EYA4: variants seen among roughly 807,000 people sequenced by gnomAD.
The protein encoded by EYA4 is EYA transcriptional coactivator and phosphatase 4.
A neutral mutation model predicts 87.9 loss-of-function variants in EYA4; 31 were observed. The observed-to-expected ratio is 0.35, with a 90% CI of 0.27 to 0.48. The LOEUF (loss-of-function observed/expected upper bound fraction) is 0.48, where lower values mean the gene tolerates loss of function less well. EYA4 is among the 20% of genes least tolerant of loss of function. The pLI is 0.99. For missense variants in EYA4, 678 were observed against 761.4 expected, an observed-to-expected ratio of 0.89 and a Z score of 1.29; for synonymous variants, 263 against 270.6, an observed-to-expected ratio of 0.97 and a Z score of 0.28.
intron 1 of EYA4, among the ~76,000 whole-genome samples, chr6:133,269,739 A>T (rs1014331122): frequency 2.0e-4 from 31 of 152,364 alleles, no homozygotes; most frequent in African/African-American, 7.2e-4. Flanking sequence ...TGAATATTCA[A>T]TAAACTGAAT....
intron 7 of EYA4, among the ~76,000 whole-genome samples, 177 bp downstream of exon 7, chr6:133,461,357 T>C (rs916854567): frequency 1.3e-5 from 2 of 152,158 alleles, no homozygotes; most frequent in African/African-American, 4.8e-5. Context: ...ATGTATACCT[T>C]GAGAAAAATA....
chr6:133,358,504 G>T (rs574416017), intron 2 of EYA4, among the ~76,000 whole-genome samples: 2 of 152,184 alleles, frequency 1.3e-5, no homozygotes, highest in African/African-American at 4.8e-5. Flanking sequence ...GAATGTAGTT[G>T]GGATTTTCAG....
intron 13 of EYA4, among the ~76,000 whole-genome samples, chr6:133,487,125 C>T (rs1039336145): frequency 3.3e-5 from 5 of 152,148 alleles, no homozygotes; most frequent in African/African-American, 1.2e-4. Flanking sequence ...CATTGGAACT[C>T]AGTGACCTTT....
intron 13 of EYA4, among the ~76,000 whole-genome samples, chr6:133,498,986 T>C (rs1797873597): frequency 6.6e-6 from 1 of 152,220 alleles, no homozygotes; most frequent in South Asian, 2.1e-4. Context: ...GGAATTATGT[T>C]AGAAAAGGGG....
At chr6:133,421,326 A>C (rs1024897769) in intron 3 of EYA4, among the ~76,000 whole-genome samples, 1 of 152,242 alleles carries the variant, frequency 6.6e-6, no homozygotes, top group African/African-American at 2.4e-5. Context: ...GAACCTAAGA[A>C]GGAGAGCTGA....
At chr6:133,475,997 T>A (rs1795693551) in intron 11 of EYA4, among the ~76,000 whole-genome samples, 1 of 152,116 alleles carries the variant, frequency 6.6e-6, no homozygotes, top group African/African-American at 2.4e-5. Flanking sequence ...ATAATGCCCA[T>A]GTGACTTTTA....
chr6:133,273,097 G>GTGTGTATATATATATATATATA (rs142020137), intron 1 of EYA4, among the ~76,000 whole-genome samples: 9 of 106,650 alleles, frequency 8.4e-5, no homozygotes, highest in African/African-American at 2.9e-4. Context: ...ATATATATAT[G>GTGTGTATATATATATATATATA]TATATATATA....
chr6:133,343,671 C>T (rs904858202), intron 2 of EYA4, among the ~76,000 whole-genome samples: 4 of 151,168 alleles, frequency 2.6e-5, no homozygotes, highest in Admixed American at 6.6e-5. Flanking sequence ...CTAATAATAA[C>T]AAATAACACA....
chr6:133,479,231 G>C (rs1033538199), intron 11 of EYA4, among the ~76,000 whole-genome samples: 8 of 152,058 alleles, frequency 5.3e-5, no homozygotes, highest in Admixed American at 6.6e-5. Context: ...GACATCTAAA[G>C]ACTAATTTAA....
chr6:133,302,543 C>A (rs1253886760), intron 2 of EYA4, among the ~76,000 whole-genome samples: 1 of 152,148 alleles, frequency 6.6e-6, no homozygotes, highest in East Asian at 1.9e-4. Flanking sequence ...AGCAAACAAT[C>A]CGTTATACTT....
intron 3 of EYA4, among the ~76,000 whole-genome samples, chr6:133,431,702 G>C (rs940600123): frequency 1.3e-5 from 2 of 152,182 alleles, no homozygotes; most frequent in Non-Finnish European, 2.9e-5. Flanking sequence ...ACATTCTGTT[G>C]TAAAGAAAGA....
chr6:133,264,475 G>A (rs1008171843), intron 1 of EYA4, among the ~76,000 whole-genome samples: 1 of 152,264 alleles, frequency 6.6e-6, no homozygotes, highest in African/African-American at 2.4e-5. Context: ...CCATTACGTG[G>A]CTGTTGCTCC....
At chr6:133,391,861 C>T (rs1787324168) in intron 3 of EYA4, among the ~76,000 whole-genome samples, 1 of 152,098 alleles carries the variant, frequency 6.6e-6, no homozygotes, top group African/African-American at 2.4e-5. Context: ...TTATCCAGCA[C>T]CTACCCCTCC....
At chr6:133,406,539 A>G (rs1366723023) in intron 3 of EYA4, among the ~76,000 whole-genome samples, 1 of 152,222 alleles carries the variant, frequency 6.6e-6, no homozygotes, top group East Asian at 1.9e-4. Context: ...GAATGAGTAT[A>G]TATTTTGTGA....
At chr6:133,424,677 C>A (rs1178204517) in intron 3 of EYA4, among the ~76,000 whole-genome samples, 1 of 142,280 alleles carries the variant, frequency 7.0e-6, no homozygotes, top group Non-Finnish European at 1.5e-5. Flanking sequence ...CCAGCTCCTG[C>A]CTTCTCCATG....
chr6:133,528,348 G>A (rs1305394327), intron 19 of EYA4, among the ~76,000 whole-genome samples: 3 of 152,060 alleles, frequency 2.0e-5, no homozygotes, highest in African/African-American at 4.8e-5. Context: ...TGAGAGGCCC[G>A]TAGGAGTGAT....
intron 14 of EYA4, among the ~76,000 whole-genome samples, chr6:133,509,019 T>G (rs1798895440): frequency 6.6e-6 from 1 of 152,170 alleles, no homozygotes; most frequent in Non-Finnish European, 1.5e-5. Flanking sequence ...TAAATTGAAC[T>G]CTCACTGTAT....
intron 10 of EYA4, among the ~76,000 whole-genome samples, chr6:133,466,850 G>T (rs1054382154): frequency 6.6e-6 from 1 of 151,938 alleles, no homozygotes; most frequent in Non-Finnish European, 1.5e-5. Flanking sequence ...GATAGGCGGG[G>T]GCCTGCTCAC....
chr6:133,299,056 G>A (rs1282527630), intron 2 of EYA4, among the ~76,000 whole-genome samples: 1 of 152,118 alleles, frequency 6.6e-6, no homozygotes, highest in Non-Finnish European at 1.5e-5. Context: ...AATGAAGCAG[G>A]ACTCTTCTTA....
Sources: gnomAD v4.1 joint callset for allele counts (sites outside exome capture counted in the v4.1 genomes callset) on GRCh38, gnomAD v4.1.1 for gene constraint, MANE v1.5 for transcripts, NCBI Gene and HGNC (gene_info 2026-07-23, HGNC 2026-07-21) for gene names.